The following CDH23 variants were observed in gnomAD, a reference collection of about 807,000 sequenced individuals.
CDH23 encodes cadherin related 23.
In CDH23, 189 loss-of-function variants were observed where a neutral mutation model predicts 317.1. The observed-to-expected ratio is 0.60, with a 90% CI of 0.53 to 0.67. CDH23 has a LOEUF of 0.67. CDH23 is among the 30% of genes least tolerant of loss of function. The pLI is 0.00. For missense variants in CDH23, 4,401 were observed against 4,592.4 expected (o/e 0.96, Z 1.20); for synonymous variants, 1,839 against 1,876.8 (o/e 0.98, Z 0.52).
At position 71,515,394 on chromosome 10, in the gene CDH23, T is replaced by TCTCTCTCTCTCTCTCACACA. The variant is rs1491490493; in HGVS notation, c.429+4183_429+4184insTCTCTCTCTCTCTCACACAC. Among the ~76,000 whole-genome samples, 72 of 26,676 alleles carry TCTCTCTCTCTCTCTCACACA rather than the reference T, an allele frequency of 2.7e-3. 1 individual carries two copies. Among genetic ancestry groups the TCTCTCTCTCTCTCTCACACA allele is most frequent in the African/African-American group, 5.6e-3 (66 of 11,790 alleles). 17.5% of individuals were successfully genotyped at this position (26,676 alleles called of 152,430 possible). A position where few individuals can be genotyped will look rare whatever the true frequency, so the allele number is the denominator to read the frequency against. Reference sequence around the variant, plus strand: ...CTCTCTCTCTCTCTCTCTCTCTCTCTCACACACACACACACACACACACAC... The same window carrying TCTCTCTCTCTCTCTCACACA: ...CTCTCTCTCTCTCTCTCTCTCTCTCTCTCTCTCTCTCTCTCACACACACACACACACACACACACACACAC... On this transcript the variant is annotated intron_variant, in intron 6 of 69. Coordinates refer to ENST00000224721, the MANE Select transcript of CDH23 (RefSeq NM_022124.6).
At chr10:71,696,975 T>G (rs1303353024) in intron 22 of CDH23, among the ~76,000 whole-genome samples, 1 of 152,198 alleles carries the variant, frequency 6.6e-6, no homozygotes, top group Middle Eastern at 3.2e-3. Context: ...GGGCTGGATC[T>G]CACCTCTGAA....
intron 8 of CDH23, among the ~76,000 whole-genome samples, chr10:71,573,424 C>T (rs1426458766): frequency 6.6e-6 from 1 of 152,188 alleles, no homozygotes; most frequent in African/African-American, 2.4e-5. Flanking sequence ...TTTATGCACC[C>T]ATCAGACATT....
chr10:71,646,528 A>G lies in CDH23; in HGVS notation c.1360A>G (p.Asn454Asp). ...GGTGAAGATCACTCTCATCAATGAA[A>G]ATGACAACCGGCCCATCTTCAGCCA... ...AKVKITLINE[N>D]DNRPIFSQPL... is the part of the protein sequence containing the mutation. The change falls in exon 14 of 70, where the codon AAT becomes GAT. Residue 454 changes from asparagine (N) to aspartate (D), a missense_variant. This residue lies in a region of CDH23 where 3,068 missense variants were observed against 3,203.3 expected (regional missense o/e 0.96). Coordinates refer to ENST00000224721, the MANE Select transcript of CDH23 (RefSeq NM_022124.6). 6.2e-7 allele frequency: 1 copy of G among 1,613,850 alleles called. No individual in the cohort carries two copies. Among genetic ancestry groups the G allele is most frequent in the East Asian group, 2.2e-5 (1 of 44,860 alleles).
Position 71,811,765 on chromosome 10 carries a change from C to A in CDH23, c.9319+12C>A, listed in dbSNP as rs772195664. 2 of 1,566,516 alleles carry A rather than the reference C, an allele frequency of 1.3e-6. No homozygotes were observed. Among genetic ancestry groups the A allele is most frequent in the South Asian group, 2.3e-5 (2 of 86,224 alleles). On this transcript the variant is annotated intron_variant, in intron 65 of 69. Coordinates refer to ENST00000224721, the MANE Select transcript of CDH23 (RefSeq NM_022124.6). The stretch of plus-strand genomic sequence containing the variant: ...GGCTGGCTCAGCTGGTAAGTGAGGG[C>A]CATAGTGGGGACACAGGTGAGAAGG...
At chr10:71,755,462 G>A in intron 38 of CDH23, 1 of 1,610,542 alleles carries the variant, frequency 6.2e-7, no homozygotes, top group Non-Finnish European at 8.5e-7. Flanking sequence ...CTGCAGCCGT[G>A]ATGTCTGAAA....
intron 17 of CDH23, among the ~76,000 whole-genome samples, chr10:71,680,971 G>A (rs1387845601): frequency 2.0e-5 from 3 of 150,568 alleles, no homozygotes; most frequent in African/African-American, 7.3e-5. Context: ...TGGGATTACA[G>A]TCGTGCCACC....
rs1853971498 is a variant in CDH23 at position 71,511,321 on chromosome 10, C to A, written c.429+109C>A. The stretch of plus-strand genomic sequence containing the variant: ...GGGAGAGCAGCTGTGGCTCTTCTGC[C>A]CAGACCTCAGCCCAGGTGCCAACTC... On this transcript the variant is annotated intron_variant, in intron 6 of 69. Coordinates refer to ENST00000224721, the MANE Select transcript of CDH23 (RefSeq NM_022124.6). 5 of 1,037,430 alleles carry A rather than the reference C, an allele frequency of 4.8e-6. No individual in the cohort carries two copies. The East Asian group carries it at 1.2e-4, about 25-fold the overall frequency. 64.3% of individuals were successfully genotyped at this position (1,037,430 alleles called of 1,614,324 possible). A position where few individuals can be genotyped will look rare whatever the true frequency, so the allele number is the denominator to read the frequency against.
chr10:71,497,193 C>T (rs1269783403), intron 3 of CDH23, among the ~76,000 whole-genome samples: 1 of 152,182 alleles, frequency 6.6e-6, no homozygotes, highest in Non-Finnish European at 1.5e-5. Context: ...TAATGGCCTG[C>T]AGTGCTCTGT....
Position 71,740,807 on chromosome 10 carries a change from CCCT to C in CDH23, c.4489-8_4489-6del. On this transcript the variant is annotated splice_polypyrimidine_tract_variant and intron_variant, in intron 36 of 69. Coordinates refer to ENST00000224721, the MANE Select transcript of CDH23 (RefSeq NM_022124.6). Reference sequence around the variant, plus strand: ...CACGCTTTAGCCCTGACTCCAGTTGCCCTCCTCCTTGCAGGTTGTGGCTTCTGA... The same window carrying C: ...CACGCTTTAGCCCTGACTCCAGTTGCCCTCCTTGCAGGTTGTGGCTTCTGA... The C allele has an allele frequency of 6.2e-7, 1 of 1,613,676 alleles. No individual in the cohort carries two copies. Among genetic ancestry groups the C allele is most frequent in the Non-Finnish European group, 8.5e-7 (1 of 1,179,834 alleles).
intron 1 of CDH23, among the ~76,000 whole-genome samples, chr10:71,421,499 T>C (rs1053536316): frequency 2.0e-5 from 3 of 152,040 alleles, no homozygotes; most frequent in Non-Finnish European, 2.9e-5. Flanking sequence ...GTCGTAATTC[T>C]ATTGCAGACA....
intron 14 of CDH23, among the ~76,000 whole-genome samples, chr10:71,663,062 T>C (rs1485649743): frequency 2.0e-5 from 3 of 152,206 alleles, no homozygotes; most frequent in Non-Finnish European, 4.4e-5. Context: ...CCTGCCCAGA[T>C]AACCCAGGAT....
At chr10:71,612,798 C>T (rs1278028837) in intron 9 of CDH23, among the ~76,000 whole-genome samples, 1 of 152,208 alleles carries the variant, frequency 6.6e-6, no homozygotes, top group African/African-American at 2.4e-5. Context: ...CTGCTTCACC[C>T]AGCCTCAGCA....
In CDH23 at chr10:71,534,805, A is replaced by G. The variant is rs554936454; in HGVS notation, c.429+23593A>G. ...CAGGTTTGGACATTGGCACAGCCCC[A>G]AAGTATTGCTCCAAACCAAGAAGCA... On this transcript the variant is annotated intron_variant, in intron 6 of 69. Transcript: ENST00000224721. Among the ~76,000 whole-genome samples the G allele has an allele frequency of 2.6e-4, 39 of 152,244 alleles. 1 individual carries two copies. The South Asian group carries it at 8.1e-3, about 32-fold the overall frequency.
intron 7 of CDH23, among the ~76,000 whole-genome samples, chr10:71,568,009 A>G (rs559089289): frequency 1.3e-5 from 2 of 152,282 alleles, no homozygotes; most frequent in African/African-American, 4.8e-5. Flanking sequence ...CTCTAGATCC[A>G]AGGCTCTGGA....
At chr10:71,425,274 G>A (rs1849015425) in intron 1 of CDH23, among the ~76,000 whole-genome samples, 1 of 130,104 alleles carries the variant, frequency 7.7e-6, no homozygotes, top group Non-Finnish European at 1.6e-5. Context: ...AGAGAGGAAG[G>A]AAGGAAGAAA....
At chr10:71,580,860 T>C (rs1264047380) in intron 9 of CDH23, among the ~76,000 whole-genome samples, 1 of 151,544 alleles carries the variant, frequency 6.6e-6, no homozygotes, top group East Asian at 1.9e-4. Context: ...CCCCCATTCC[T>C]ACCCCTTTCT....
At chr10:71,633,645 G>A (rs575601554) in intron 11 of CDH23, among the ~76,000 whole-genome samples, 1 of 152,334 alleles carries the variant, frequency 6.6e-6, no homozygotes, top group East Asian at 1.9e-4. Context: ...TCCCTTGGAA[G>A]AGGACTAGAA....
In CDH23 at chr10:71,759,835, A is replaced by ACACACACGCACACG. The variant is rs1279390301; in HGVS notation, c.4846-17838_4846-17837insGCACACGCACACAC. On this transcript the variant is annotated intron_variant, in intron 38 of 69. Transcript: ENST00000224721. Reference sequence around the variant, plus strand: ...TCAGAAAATATACACACACACACACACACACACACACATATACACACACAC... The same window carrying ACACACACGCACACG: ...TCAGAAAATATACACACACACACACACACACACGCACACGCACACACACACATATACACACACAC... Among the ~76,000 whole-genome samples, 5 of 71,566 alleles carry ACACACACGCACACG rather than the reference A, an allele frequency of 7.0e-5. 2 individuals are homozygous for ACACACACGCACACG. The highest frequency in any genetic ancestry group is 2.0e-4 in the African/African-American group (5 of 25,630). The allele number at this position is 71,566 out of a possible 152,430, so 47.0% of individuals were successfully genotyped here.
rs151323535 is a variant in CDH23 at position 71,403,310 on chromosome 10, T to C, written c.-6+5992T>C. On this transcript the variant is annotated intron_variant, in intron 1 of 69. Transcript: ENST00000224721. ...CTTTCATTTGCTTGCTTTCTCTTTC[T>C]CTTTCTTCCTTCCTTCCTTTCTTTC... Among the ~76,000 whole-genome samples, 231 of 105,022 alleles carry C rather than the reference T, an allele frequency of 2.2e-3. 5 individuals carry two copies. The highest frequency in any genetic ancestry group is 0.016 in the African/African-American group (217 of 13,884). 68.9% of individuals were successfully genotyped at this position (105,022 alleles called of 152,430 possible).
Sources: gnomAD v4.1 joint callset for allele counts (sites outside exome capture counted in the v4.1 genomes callset) on GRCh38, gnomAD v4.1.1 for gene constraint, gnomAD v4.1.1 regional missense constraint, MANE v1.5 for transcripts, NCBI Gene and HGNC (gene_info 2026-07-23, HGNC 2026-07-21) for gene names.